Variants in FRMD4A observed in about 807,000 individuals in gnomAD.
FRMD4A encodes the protein FERM domain-containing protein 4A.
FRMD4A carries 29 observed loss-of-function variants against 129.1 expected under a neutral mutation model. The observed-to-expected ratio is 0.22, with a 90% confidence interval of 0.17 to 0.31. The LOEUF (loss-of-function observed/expected upper bound fraction) is 0.31, where lower values mean the gene tolerates loss of function less well. Ranked by LOEUF, FRMD4A falls within the 10% of genes least tolerant of loss-of-function variation. The pLI is 1.00. For synonymous variants in FRMD4A, 634 were observed against 571.6 expected (o/e 1.11, Z -1.56); for missense variants, 1,272 against 1,375.8 (o/e 0.92, Z 1.19).
Position 13,969,969 on chromosome 10 carries a change from C to T in FRMD4A, c.46-111057G>A, listed in dbSNP as rs532604924. On this transcript the variant is annotated intron_variant, in intron 2 of 24. Coordinates refer to ENST00000357447, the MANE Select transcript of FRMD4A (RefSeq NM_018027.5). ...ATCATCTTGACTAAGTAATTACCCC[C>T]ACATACCCAGCTTGGGGACTTTTGA... Among the ~76,000 whole-genome samples, 3 of 152,324 alleles carry T rather than the reference C, an allele frequency of 2.0e-5. No individual in the cohort carries two copies. The East Asian group carries it at 5.8e-4, about 29-fold the overall frequency.
intron 2 of FRMD4A, among the ~76,000 whole-genome samples, chr10:14,095,566 G>C (rs1020674978): frequency 6.6e-6 from 1 of 152,164 alleles, no homozygotes; most frequent in East Asian, 1.9e-4. Flanking sequence ...TTTTACATAC[G>C]CACTTCTAAA....
intron 2 of FRMD4A, among the ~76,000 whole-genome samples, chr10:14,028,847 T>C (rs528498269): frequency 4.6e-4 from 70 of 152,272 alleles, no homozygotes; most frequent in African/African-American, 1.6e-3. Context: ...CCAGGGATCA[T>C]TGGGTTTGAA....
intron 5 of FRMD4A, 119 bp downstream of exon 5, chr10:13,796,377 A>T (rs2093119650): frequency 1.4e-6 from 1 of 691,790 alleles, no homozygotes; most frequent in South Asian, 1.6e-5. Context: ...TACAACCTTT[A>T]TCCCTGGCAA....
chr10:14,054,326 C>A (rs1383995794), intron 2 of FRMD4A, among the ~76,000 whole-genome samples: 1 of 152,164 alleles, frequency 6.6e-6, no homozygotes, highest in Non-Finnish European at 1.5e-5. Context: ...GGTCACCTCC[C>A]CTGCCCCAGC....
At chr10:13,720,410 T>C (rs771818370) in intron 12 of FRMD4A, among the ~76,000 whole-genome samples, 10 of 152,158 alleles carry the variant, frequency 6.6e-5, no homozygotes, top group Non-Finnish European at 1.3e-4. Flanking sequence ...AGGAGGAGTC[T>C]GTGAAATTAG....
intron 15 of FRMD4A, among the ~76,000 whole-genome samples, chr10:13,683,549 C>A (rs2084802609): frequency 6.6e-6 from 1 of 152,080 alleles, no homozygotes; most frequent in South Asian, 2.1e-4. Context: ...CTGAGCTATG[C>A]TCACACCACT....
At chr10:13,650,139 A>C (rs1302944610) in intron 24 of FRMD4A, among the ~76,000 whole-genome samples, 1 of 152,220 alleles carries the variant, frequency 6.6e-6, no homozygotes, top group Non-Finnish European at 1.5e-5. Context: ...CCCACATCTC[A>C]CAGGGTTTTG....
chr10:13,790,726 C>T (rs559940303), intron 5 of FRMD4A, among the ~76,000 whole-genome samples: 9 of 151,854 alleles, frequency 5.9e-5, no homozygotes, highest in East Asian at 1.9e-4. Flanking sequence ...AGAAGCTGGA[C>T]GACCACAGAA....
intron 1 of FRMD4A, 124 bp from the exon 2 acceptor site, chr10:14,330,307 G>GAA (rs35432616): frequency 0.018 from 7,725 of 423,388 alleles, 9 homozygotes; most frequent in East Asian, 0.045. Flanking sequence ...GCTTAGGGAG[G>GAA]AAAAAAAAAA....
intron 2 of FRMD4A, among the ~76,000 whole-genome samples, chr10:14,059,888 T>A (rs1834724520): frequency 6.6e-6 from 1 of 152,226 alleles, no homozygotes. Context: ...CTTCCAGGTA[T>A]GAATGTATTT....
chr10:13,659,794 C>T (rs2082485608), intron 20 of FRMD4A, among the ~76,000 whole-genome samples: 1 of 151,978 alleles, frequency 6.6e-6, no homozygotes, highest in Admixed American at 6.6e-5. Context: ...TCCTGGCACC[C>T]CCCTTGGAGC....
intron 2 of FRMD4A, among the ~76,000 whole-genome samples, chr10:14,324,499 C>T (rs1843186238): frequency 6.6e-6 from 1 of 152,206 alleles, no homozygotes; most frequent in Non-Finnish European, 1.5e-5. Flanking sequence ...GGCCCCATGC[C>T]TGGATGGCCC....
In FRMD4A at chr10:14,214,026, C is replaced by T. The variant is rs116504234; in HGVS notation, c.45+116032G>A. Among the ~76,000 whole-genome samples, 790 of 152,362 alleles carry T rather than the reference C, an allele frequency of 5.2e-3. 9 individuals carry two copies. The highest frequency in any genetic ancestry group is 0.017 in the African/African-American group (723 of 41,584). ...GATGGTTTTGTAAAGGGCAGTTCCC[C>T]TGCACAAGCTCTCTTGGCTGCCGCC... On this transcript the variant is annotated intron_variant, in intron 2 of 24. Transcript: ENST00000357447.
At chr10:13,713,888 C>CAT (rs1364982414) in intron 12 of FRMD4A, among the ~76,000 whole-genome samples, 5 of 101,842 alleles carry the variant, frequency 4.9e-5, no homozygotes, top group African/African-American at 1.8e-4. Context: ...AATATATATA[C>CAT]ATATATAATA....
At chr10:14,083,589 TC>T in intron 2 of FRMD4A, 1 of 152,450 alleles carries the variant, frequency 6.6e-6, no homozygotes, top group Middle Eastern at 3.4e-3. Context: ...CTGGGGTCAG[TC>T]TGTATTCACA....
intron 2 of FRMD4A, among the ~76,000 whole-genome samples, chr10:14,201,950 G>A (rs1374773448): frequency 1.3e-5 from 2 of 152,040 alleles, no homozygotes; most frequent in East Asian, 1.9e-4. Flanking sequence ...CCAACATGGT[G>A]AAACGCCGTC....
chr10:14,023,977 T>A (rs905956191), intron 2 of FRMD4A, among the ~76,000 whole-genome samples: 20 of 152,014 alleles, frequency 1.3e-4, no homozygotes, highest in African/African-American at 4.8e-4. Flanking sequence ...CCCTCCCCAC[T>A]TTTTTTTCTG....
At chr10:13,779,881 T>C (rs965331815) in intron 6 of FRMD4A, among the ~76,000 whole-genome samples, 4 of 152,096 alleles carry the variant, frequency 2.6e-5, no homozygotes, top group Admixed American at 1.3e-4. Flanking sequence ...CTACACATCA[T>C]GTGAACTTTG....
chr10:13,778,037 T>C (rs1334595095), intron 6 of FRMD4A, among the ~76,000 whole-genome samples: 1 of 151,844 alleles, frequency 6.6e-6, no homozygotes, highest in Non-Finnish European at 1.5e-5. Flanking sequence ...TCCTGACCTC[T>C]TGATCCACCC....
Sources: allele counts gnomAD v4.1 joint callset (sites outside exome capture counted in the v4.1 genomes callset), GRCh38; gene constraint gnomAD v4.1.1; transcripts MANE v1.5; gene names NCBI Gene and HGNC (gene_info 2026-07-23, HGNC 2026-07-21).